The following SMIM23 variants were observed in gnomAD, a reference collection of about 807,000 sequenced individuals.
The protein encoded by SMIM23 is small integral membrane protein 23.
SMIM23 carries 10 observed loss-of-function variants against 12.8 expected under a neutral mutation model. That is an observed-to-expected ratio of 0.78 (90% CI 0.48 to 1.32). The LOEUF is 1.32. Ranked by LOEUF, SMIM23 falls within the 40% of genes most tolerant of loss-of-function variation. The pLI, the probability that SMIM23 is intolerant of heterozygous loss-of-function variation, is 0.00. For synonymous variants in SMIM23, 78 were observed against 80.1 expected (o/e 0.97, Z 0.14); for missense variants, 184 against 198.2 (o/e 0.93, Z 0.43).
intron 1 of SMIM23, 99 bp downstream of exon 1, chr5:171,786,075 G>C (rs1755811515): frequency 6.1e-6 from 6 of 987,948 alleles, no homozygotes; most frequent in South Asian, 1.5e-5. Context: ...ATGAATCTTG[G>C]ACCCAACCGT....
At chr5:171,781,652 C>T (rs556089583), upstream of SMIM23, among the ~76,000 whole-genome samples, 114 of 152,084 alleles carry the variant, frequency 7.5e-4, no homozygotes, top group African/African-American at 2.5e-3. Context: ...TCCCAGACAA[C>T]GTAGCTGCTT....
upstream of SMIM23, among the ~76,000 whole-genome samples, chr5:171,784,227 C>T (rs183745002): frequency 3.9e-5 from 6 of 152,092 alleles, no homozygotes; most frequent in South Asian, 8.3e-4. Flanking sequence ...TGAAAACAGC[C>T]GGGTGCAGTG....
chr5:171,781,187 T>C (rs999463037), upstream of SMIM23, among the ~76,000 whole-genome samples: 3 of 152,196 alleles, frequency 2.0e-5, no homozygotes, highest in Admixed American at 2.0e-4. Context: ...TTCCTTTTAA[T>C]GAAAAGCAGC....
the SMIM23 span, among the ~76,000 whole-genome samples, chr5:171,773,127 G>A: frequency 1.3e-5 from 2 of 152,182 alleles, no homozygotes; most frequent in African/African-American, 4.8e-5. Context: ...CAACAGACCT[G>A]GGTTCGAATC....
At chr5:171,787,899 GT>G (rs1755847536) in intron 1 of SMIM23, among the ~76,000 whole-genome samples, 1 of 151,842 alleles carries the variant, frequency 6.6e-6, no homozygotes, top group Non-Finnish European at 1.5e-5. Context: ...TCTTATCATT[GT>G]GTCTGTGAAA....
intron 1 of SMIM23, among the ~76,000 whole-genome samples, chr5:171,788,186 AC>A (rs1755853639): frequency 6.6e-6 from 1 of 151,544 alleles, no homozygotes; most frequent in African/African-American, 2.4e-5. Context: ...ACACACACAC[AC>A]ACACACACAC....
chr5:171,789,945 T>C (rs180750447), intron 1 of SMIM23, among the ~76,000 whole-genome samples: 1 of 152,352 alleles, frequency 6.6e-6, no homozygotes, highest in Non-Finnish European at 1.5e-5. Context: ...TATATGTAAA[T>C]TATACCACAA....
upstream of SMIM23, among the ~76,000 whole-genome samples, chr5:171,781,023 T>C (rs1363383871): frequency 2.0e-5 from 3 of 152,226 alleles, no homozygotes; most frequent in African/African-American, 7.2e-5. Flanking sequence ...AGTTGTAATA[T>C]TTATATGGTG....
chr5:171,774,125 A>T, the SMIM23 span, among the ~76,000 whole-genome samples: 1 of 152,240 alleles, frequency 6.6e-6, no homozygotes, highest in Non-Finnish European at 1.5e-5. Context: ...GTGAGATCAA[A>T]CTTGTTAGAT....
chr5:171,774,085 A>G, the SMIM23 span: 14 of 357,634 alleles, frequency 3.9e-5, no homozygotes, highest in Non-Finnish European at 7.7e-5. Flanking sequence ...AAAAAATGGC[A>G]TCTATTCAGA....
At chr5:171,781,552 TA>T (rs1257836518), upstream of SMIM23, among the ~76,000 whole-genome samples, 1 of 132,334 alleles carries the variant, frequency 7.6e-6, no homozygotes, top group African/African-American at 3.8e-5. Context: ...CCCCCGTCTC[TA>T]GAGCTGTTTT....
At chr5:171,778,689 C>G (rs1581069236), upstream of SMIM23, among the ~76,000 whole-genome samples, 1 of 152,098 alleles carries the variant, frequency 6.6e-6, no homozygotes, top group Non-Finnish European at 1.5e-5. Context: ...TTATGGTTTC[C>G]AGAACTACAA....
At chr5:171,787,672 C>T (rs1755843201) in intron 1 of SMIM23, among the ~76,000 whole-genome samples, 1 of 152,218 alleles carries the variant, frequency 6.6e-6, no homozygotes, top group Non-Finnish European at 1.5e-5. Context: ...CCTAATATTA[C>T]ATGTACAGTG....
At chr5:171,776,018 T>A in the SMIM23 span, among the ~76,000 whole-genome samples, 2 of 152,130 alleles carry the variant, frequency 1.3e-5, no homozygotes, top group Non-Finnish European at 2.9e-5. Flanking sequence ...ATTATAGGCA[T>A]GAGCCACCAT....
At chr5:171,781,928 A>C (rs1230233068), upstream of SMIM23, among the ~76,000 whole-genome samples, 1 of 152,210 alleles carries the variant, frequency 6.6e-6, no homozygotes, top group Non-Finnish European at 1.5e-5. Context: ...CTCTGTGTCT[A>C]GTTAAAAGAT....
intron 1 of SMIM23, among the ~76,000 whole-genome samples, chr5:171,787,440 C>T (rs544922908): frequency 6.6e-6 from 1 of 152,322 alleles, no homozygotes; most frequent in African/African-American, 2.4e-5. Flanking sequence ...AATCCTAGTC[C>T]ATGTTCCTCC....
chr5:171,787,335 T>C (rs2113650886), intron 1 of SMIM23, among the ~76,000 whole-genome samples: 1 of 152,330 alleles, frequency 6.6e-6, no homozygotes, highest in South Asian at 2.1e-4. Flanking sequence ...CTTTGCAGTG[T>C]ATTTCAAAAT....
chr5:171,773,333 T>TA, the SMIM23 span, among the ~76,000 whole-genome samples: 1 of 120,154 alleles, frequency 8.3e-6, no homozygotes, highest in Non-Finnish European at 1.8e-5. Flanking sequence ...ACACCAGTCT[T>TA]ACGTCCACCA....
chr5:171,788,866 T>C (rs566417292), intron 1 of SMIM23, among the ~76,000 whole-genome samples: 1 of 152,224 alleles, frequency 6.6e-6, no homozygotes, highest in Non-Finnish European at 1.5e-5. Context: ...TTGAGACAGA[T>C]TCTTGCTCTG....
Sources: gnomAD v4.1 joint callset for allele counts (sites outside exome capture counted in the v4.1 genomes callset) on GRCh38, gnomAD v4.1.1 for gene constraint, MANE v1.5 for transcripts, NCBI Gene and HGNC (gene_info 2026-07-23, HGNC 2026-07-21) for gene names.